PRKN: variants seen among roughly 807,000 people sequenced by gnomAD.
PRKN encodes the protein parkin RBR E3 ubiquitin protein ligase.
PRKN carries 56 observed loss-of-function variants against 59.5 expected under a neutral mutation model. The observed-to-expected ratio is 0.94, with a 90% CI of 0.76 to 1.18. The LOEUF is 1.18. Among genes scored for constraint, PRKN ranks in the 50% most tolerant of loss-of-function variants. The pLI is 0.00. For missense variants in PRKN, 657 were observed against 596.4 expected (o/e 1.10, Z -1.06); for synonymous variants, 250 against 222.1 (o/e 1.13, Z -1.12).
In PRKN at chr6:161,588,476, A is replaced by T. The variant is rs76489461; in HGVS notation, c.872-19060T>A. ...TCATTCAGTAAAAGGCTATGAAGCA[A>T]TTTAAGGATATTTGCAACAAACAAG... On this transcript the variant is annotated intron_variant, in intron 7 of 11. Coordinates refer to ENST00000366898, the MANE Select transcript of PRKN (RefSeq NM_004562.3). The surrounding 1 kb of genome is among the most constrained non-coding windows in gnomAD (Gnocchi z 5.0). Among the ~76,000 whole-genome samples, 4,315 of 152,224 alleles carry T rather than the reference A, an allele frequency of 0.028. 156 individuals carry two copies. Among genetic ancestry groups the T allele is most frequent in the African/African-American group, 0.086 (3,583 of 41,528 alleles).
At chr6:162,565,697 AATAC>A (rs55883841) in intron 1 of PRKN, among the ~76,000 whole-genome samples, 5,823 of 148,756 alleles carry the variant, frequency 0.039, 306 homozygotes, top group African/African-American at 0.12. Flanking sequence ...TCTCAAAATA[AATAC>A]ATACATACAT....
At chr6:162,229,133 A>G (rs1010916887) in intron 3 of PRKN, among the ~76,000 whole-genome samples, 1 of 152,134 alleles carries the variant, frequency 6.6e-6, no homozygotes, top group African/African-American at 2.4e-5. Flanking sequence ...TTGTACAGCA[A>G]ATTGTCTCCC....
chr6:162,273,820 C>T (rs1270044944), intron 2 of PRKN, among the ~76,000 whole-genome samples: 1 of 152,080 alleles, frequency 6.6e-6, no homozygotes, highest in Non-Finnish European at 1.5e-5. Context: ...AACTTGAGTC[C>T]AACCTTGTTT....
chr6:161,867,740 C>CATTTATTTATTTATTT (rs58083987), intron 6 of PRKN, among the ~76,000 whole-genome samples: 9,517 of 137,502 alleles, frequency 0.069, 400 homozygotes, highest in East Asian at 0.11. Context: ...AAAAATCTTT[C>CATTTATTTATTTATTT]ATTTATTTAT....
chr6:161,976,042 A>T (rs926458070), intron 5 of PRKN, among the ~76,000 whole-genome samples: 1 of 152,026 alleles, frequency 6.6e-6, no homozygotes, highest in African/African-American at 2.4e-5. Flanking sequence ...AGTAGCTGGG[A>T]TTACAGGCAC....
intron 1 of PRKN, among the ~76,000 whole-genome samples, chr6:162,494,390 G>C (rs1792963722): frequency 1.3e-5 from 2 of 152,158 alleles, no homozygotes; most frequent in Non-Finnish European, 2.9e-5. Context: ...TAAGCCCAGA[G>C]GCAACAACAG....
chr6:162,063,461 G>T (rs1051012102), intron 4 of PRKN, among the ~76,000 whole-genome samples: 1 of 152,150 alleles, frequency 6.6e-6, no homozygotes, highest in Non-Finnish European at 1.5e-5. Context: ...AATACTAAAT[G>T]TCGGTGAGGA....
At chr6:161,994,242 GAA>G (rs756877636) in intron 5 of PRKN, among the ~76,000 whole-genome samples, 3 of 137,966 alleles carry the variant, frequency 2.2e-5, no homozygotes, top group African/African-American at 8.0e-5. Flanking sequence ...ATGGTGTGCA[GAA>G]AAAAAAAAAA....
At chr6:162,664,166 A>T (rs567531288) in intron 1 of PRKN, among the ~76,000 whole-genome samples, 1 of 152,180 alleles carries the variant, frequency 6.6e-6, no homozygotes, top group East Asian at 1.9e-4. Flanking sequence ...TTCCTGTGTT[A>T]GTTTGCTGAG....
At chr6:162,298,708 A>G (rs1297462073) in intron 2 of PRKN, among the ~76,000 whole-genome samples, 1 of 150,222 alleles carries the variant, frequency 6.7e-6, no homozygotes, top group African/African-American at 2.5e-5. Context: ...GAAAGCAGCA[A>G]TCTTGGGGAG....
chr6:161,707,444 G>T (rs900826911), intron 7 of PRKN, among the ~76,000 whole-genome samples: 1 of 152,174 alleles, frequency 6.6e-6, no homozygotes, highest in Non-Finnish European at 1.5e-5. Context: ...CAATAGGAAA[G>T]AAATGCTTTC....
chr6:162,692,102 C>T (rs1012682607), intron 1 of PRKN, among the ~76,000 whole-genome samples: 1 of 151,672 alleles, frequency 6.6e-6, no homozygotes, highest in African/African-American at 2.4e-5. Flanking sequence ...GAAGTCCTTG[C>T]CCATGCCTAT....
In PRKN at chr6:161,497,416, C is replaced by A. The variant is rs759839416; in HGVS notation, c.1083+51438G>T. Reference sequence around the variant, plus strand: ...GTTATCCTTTAAAGAAAAAAAAGTTCTTGCTCCTCTGTCTTGAACTGGGAA... The same window carrying A: ...GTTATCCTTTAAAGAAAAAAAAGTTATTGCTCCTCTGTCTTGAACTGGGAA... On this transcript the variant is annotated intron_variant, in intron 9 of 11. Transcript: ENST00000366898. This position sits in a 1 kb window ranked among gnomAD's most constrained non-coding sequence, Gnocchi z 4.6. Among the ~76,000 whole-genome samples the A allele has an allele frequency of 6.6e-6, 1 of 152,194 alleles. No homozygotes were observed. Among genetic ancestry groups the A allele is most frequent in the Admixed American group, 6.5e-5 (1 of 15,276 alleles).
intron 10 of PRKN, among the ~76,000 whole-genome samples, chr6:161,370,698 A>G (rs538212632): frequency 6.6e-6 from 1 of 151,990 alleles, no homozygotes; most frequent in East Asian, 1.9e-4. Context: ...TTCCTGCTTT[A>G]AGAGAAACTC....
chr6:162,417,466 A>T (rs181540723), intron 2 of PRKN, among the ~76,000 whole-genome samples: 3 of 152,320 alleles, frequency 2.0e-5, no homozygotes, highest in East Asian at 1.9e-4. Context: ...ACTGAGGAAG[A>T]GTGAGAGATG....
At chr6:161,668,188 T>A (rs1784787698) in intron 7 of PRKN, among the ~76,000 whole-genome samples, 2 of 151,666 alleles carry the variant, frequency 1.3e-5, no homozygotes, top group African/African-American at 4.8e-5. Flanking sequence ...AATATGATTC[T>A]ATTTTTCTGT....
intron 5 of PRKN, among the ~76,000 whole-genome samples, chr6:162,016,627 ACT>A (rs920102201): frequency 6.6e-6 from 1 of 151,884 alleles, no homozygotes; most frequent in African/African-American, 2.4e-5. Flanking sequence ...ACCCTGGAAC[ACT>A]CTCCTCGTGG....
intron 1 of PRKN, among the ~76,000 whole-genome samples, chr6:162,528,912 G>A (rs1778397281): frequency 6.6e-6 from 1 of 152,082 alleles, no homozygotes; most frequent in Non-Finnish European, 1.5e-5. Flanking sequence ...GAGTCTTGAT[G>A]TGTCGCCCAG....
intron 6 of PRKN, among the ~76,000 whole-genome samples, chr6:161,884,362 G>A (rs892956857): frequency 3.3e-5 from 5 of 152,140 alleles, no homozygotes; most frequent in African/African-American, 4.8e-5. Flanking sequence ...ACAATACACA[G>A]CAGACCACTG....
Sources: gnomAD v4.1 joint callset for allele counts (sites outside exome capture counted in the v4.1 genomes callset) on GRCh38, gnomAD v4.1.1 for gene constraint, Gnocchi (gnomAD v3.1) non-coding constraint, MANE v1.5 for transcripts, NCBI Gene and HGNC (gene_info 2026-07-23, HGNC 2026-07-21) for gene names.